CFAP54: variants seen among roughly 807,000 people sequenced by gnomAD.
CFAP54 encodes cilia and flagella associated protein 54.
A neutral mutation model predicts 370.4 loss-of-function variants in CFAP54; 290 were observed. The ratio of observed to expected loss-of-function variants is 0.78; its 90% CI spans 0.71 to 0.86. The LOEUF is 0.86. CFAP54 is among the 40% of genes least tolerant of loss of function. The pLI, the probability that CFAP54 is intolerant of heterozygous loss-of-function variation, is 0.00. For missense variants in CFAP54, 3,399 were observed against 3,528.7 expected, an observed-to-expected ratio of 0.96 and a Z score of 0.93; for synonymous variants, 1,206 against 1,236.5, an observed-to-expected ratio of 0.98 and a Z score of 0.52.
chr12:96,863,595 G>A (rs1275779802), intron 67 of CFAP54, among the ~76,000 whole-genome samples: 3 of 152,172 alleles, frequency 2.0e-5, no homozygotes, highest in Admixed American at 6.5e-5. Context: ...AAAGGGAGAG[G>A]AAGACATAGT....
At chr12:96,831,841 T>C (rs1263364657) in intron 66 of CFAP54, among the ~76,000 whole-genome samples, 1 of 152,218 alleles carries the variant, frequency 6.6e-6, no homozygotes, top group Non-Finnish European at 1.5e-5. Flanking sequence ...CTTCACTTAT[T>C]CATTTGGCCA....
intron 2 of CFAP54, among the ~76,000 whole-genome samples, chr12:96,501,408 G>C (rs1955025422): frequency 6.6e-6 from 1 of 152,158 alleles, no homozygotes; most frequent in Admixed American, 6.5e-5. Context: ...ATGTTTTGCT[G>C]TATGTAATTA....
intron 67 of CFAP54, among the ~76,000 whole-genome samples, chr12:96,863,385 C>T (rs764413931): frequency 2.0e-5 from 3 of 152,144 alleles, no homozygotes; most frequent in Non-Finnish European, 2.9e-5. Flanking sequence ...ATTATGACCA[C>T]GATGCACATA....
At chr12:96,858,440 G>A (rs1959775836) in intron 66 of CFAP54, among the ~76,000 whole-genome samples, 1 of 152,084 alleles carries the variant, frequency 6.6e-6, no homozygotes, top group South Asian at 2.1e-4. Context: ...CCATTCTCTA[G>A]GTTGTCTGTT....
intron 63 of CFAP54, among the ~76,000 whole-genome samples, chr12:96,801,837 C>T (rs1029909370): frequency 3.3e-5 from 5 of 152,286 alleles, no homozygotes; most frequent in South Asian, 2.1e-4. Flanking sequence ...CTGCTACAAA[C>T]GTTGTTGTGT....
At chr12:96,833,588 G>A (rs992610741) in intron 66 of CFAP54, among the ~76,000 whole-genome samples, 1 of 151,430 alleles carries the variant, frequency 6.6e-6, no homozygotes, top group Admixed American at 6.6e-5. Context: ...TGGAGAGGAG[G>A]TTCCTAGGAG....
intron 63 of CFAP54, among the ~76,000 whole-genome samples, chr12:96,794,610 G>A (rs1010705774): frequency 6.6e-6 from 1 of 151,740 alleles, no homozygotes; most frequent in Admixed American, 6.6e-5. Flanking sequence ...TATTTATGCT[G>A]TCTATTTCTC....
At chr12:96,536,626 CTT>C (rs10638883) in intron 12 of CFAP54, among the ~76,000 whole-genome samples, 3 of 138,130 alleles carry the variant, frequency 2.2e-5, no homozygotes, top group Non-Finnish European at 3.1e-5. Context: ...TTTTCTTTTT[CTT>C]TTTTTTTTTT....
intron 38 of CFAP54, 48 bp from the exon 39 acceptor site, chr12:96,663,782 T>C (rs748508590): frequency 2.1e-5 from 29 of 1,367,704 alleles, no homozygotes; most frequent in Non-Finnish European, 5.1e-6. Flanking sequence ...GCGAAATTTT[T>C]AACTATAAAT....
At position 96,621,670 on chromosome 12, in the gene CFAP54, A is replaced by G; in HGVS notation, c.3720A>G (p.Gly1240=). ...YGKKMLDITP[G]CKSLFDGSNE... Reference sequence around the variant, plus strand: ...AAAAAATGTTGGACATCACACCAGGATGCAAGTCTCTGTTTGATGGTAGTA... The same window carrying G: ...AAAAAATGTTGGACATCACACCAGGGTGCAAGTCTCTGTTTGATGGTAGTA... Residue 1240 remains glycine, a synonymous_variant, in exon 27 of 68, where the codon GGA becomes GGG. Transcript: ENST00000524981. 2.6e-6 allele frequency: 4 copies of G among 1,529,466 alleles called. No homozygotes were observed. Among genetic ancestry groups the G allele is most frequent in the Non-Finnish European group, 3.5e-6 (4 of 1,142,922 alleles). The allele number at this position is 1,529,466 out of a possible 1,614,324, so 94.7% of individuals were successfully genotyped here.
chr12:96,720,744 G>A (rs935570262), intron 50 of CFAP54, among the ~76,000 whole-genome samples, 179 bp downstream of exon 50: 6 of 152,194 alleles, frequency 3.9e-5, no homozygotes, highest in African/African-American at 1.4e-4. Context: ...AGCTCTGGCT[G>A]GGTGTGGTGG....
chr12:96,707,496 G>A (rs1320431684), intron 47 of CFAP54, among the ~76,000 whole-genome samples: 2 of 152,130 alleles, frequency 1.3e-5, no homozygotes, highest in Non-Finnish European at 2.9e-5. Context: ...AGAGAAACTG[G>A]AACTCTTCAG....
Position 96,731,000 on chromosome 12 carries a change from C to A in CFAP54, c.6966-8956C>A, listed in dbSNP as rs144346001. On this transcript the variant is annotated intron_variant, in intron 50 of 67. Transcript: ENST00000524981. Reference sequence around the variant, plus strand: ...TCTGCACATCTCTGGGGGTGTCTCCCAGACCCCCTGGGCATGGGGGTGTAC... The same window carrying A: ...TCTGCACATCTCTGGGGGTGTCTCCAAGACCCCCTGGGCATGGGGGTGTAC... 4.5e-3 allele frequency among the ~76,000 whole-genome samples: 681 copies of A among 152,246 alleles called. 4 individuals are homozygous for A. The highest frequency in any genetic ancestry group is 0.016 in the African/African-American group (650 of 41,552).
At chr12:96,533,137 CT>C (rs1386786783) in intron 9 of CFAP54, among the ~76,000 whole-genome samples, 25 of 148,582 alleles carry the variant, frequency 1.7e-4, no homozygotes, top group Admixed American at 1.3e-4. Flanking sequence ...TTCTTTCTTT[CT>C]TTTTTTTTTG....
intron 67 of CFAP54, among the ~76,000 whole-genome samples, chr12:96,868,792 C>T (rs566499754): frequency 1.2e-4 from 18 of 152,044 alleles, no homozygotes; most frequent in Non-Finnish European, 2.4e-4. Context: ...CCTTTGCATT[C>T]ACTGGGAGTC....
In CFAP54 at chr12:96,564,637, T is replaced by C. The variant is rs1955847279; in HGVS notation, c.2498-7T>C. 1.5e-6 allele frequency: 1 copy of C among 646,604 alleles called. No individual in the cohort carries two copies. The allele number at this position is 646,604 out of a possible 1,614,324, so 40.1% of individuals were successfully genotyped here. On this transcript the variant is annotated splice_polypyrimidine_tract_variant and splice_region_variant and intron_variant, in intron 18 of 67. Coordinates refer to ENST00000524981, the MANE Select transcript of CFAP54 (RefSeq NM_001306084.2). ...TCACCTTTTTGGTAAAATGTTTGTTTTTATAGAATTAAATATAATGAATAA... is the reference window on the plus strand; with the variant it reads ...TCACCTTTTTGGTAAAATGTTTGTTCTTATAGAATTAAATATAATGAATAA...
chr12:96,674,132 A>G (rs1432359381), intron 39 of CFAP54, among the ~76,000 whole-genome samples: 1 of 152,092 alleles, frequency 6.6e-6, no homozygotes, highest in African/African-American at 2.4e-5. Flanking sequence ...TTCAGTCCTC[A>G]GGTGTGTTGG....
At chr12:96,570,067 C>CTTGGGTT (rs1289250553) in intron 19 of CFAP54, among the ~76,000 whole-genome samples, 96 of 152,262 alleles carry the variant, frequency 6.3e-4, no homozygotes, top group African/African-American at 2.1e-3. Context: ...GCCTCGACCT[C>CTTGGGTT]CTGGGTTCAG....
At chr12:96,662,631 A>G (rs1957008160) in intron 38 of CFAP54, among the ~76,000 whole-genome samples, 1 of 152,180 alleles carries the variant, frequency 6.6e-6, no homozygotes, top group Non-Finnish European at 1.5e-5. Flanking sequence ...CATCTTTATC[A>G]TGACCTTAAT....
Sources: allele counts gnomAD v4.1 joint callset (sites outside exome capture counted in the v4.1 genomes callset), GRCh38; gene constraint gnomAD v4.1.1; transcripts MANE v1.5; gene names NCBI Gene and HGNC (gene_info 2026-07-23, HGNC 2026-07-21).